The following MOK variants were observed in gnomAD, a reference collection of about 807,000 sequenced individuals.
MOK encodes MOK protein kinase.
A neutral mutation model predicts 54.2 loss-of-function variants in MOK; 59 were observed. The observed-to-expected ratio is 1.09, with a 90% CI of 0.88 to 1.35. MOK has a LOEUF of 1.35. Among genes scored for constraint, MOK ranks in the 40% most tolerant of loss-of-function variants. MOK has a pLI of 0.00. For missense variants in MOK, 517 were observed against 526.2 expected, an observed-to-expected ratio of 0.98 and a Z score of 0.17; for synonymous variants, 210 against 202.7, an observed-to-expected ratio of 1.04 and a Z score of -0.31.
Position 102,249,129 on chromosome 14 carries a change from CTTG to C in MOK, c.590+1680_590+1682del, listed in dbSNP as rs1441910647. Among the ~76,000 whole-genome samples the C allele has an allele frequency of 6.6e-6, 1 of 151,942 alleles. No homozygotes were observed. The highest frequency in any genetic ancestry group is 1.5e-5 in the Non-Finnish European group (1 of 68,020). On this transcript the variant is annotated intron_variant, in intron 7 of 11. Transcript: ENST00000361847. This position sits in a 1 kb window ranked among gnomAD's most constrained non-coding sequence, Gnocchi z 5.3. ...TAGCTGCTGGGAGGCTCCACTCTCC[CTTG>C]TGCTTGACCTTTTGTTTCCACTTTA...
intron 1 of MOK, among the ~76,000 whole-genome samples, chr14:102,286,920 A>G (rs1322056078): frequency 2.7e-5 from 4 of 149,418 alleles, no homozygotes; most frequent in Non-Finnish European, 5.9e-5. Flanking sequence ...AAAAATAATA[A>G]TAATAATAAT....
chr14:102,286,025 C>T (rs567022123), intron 1 of MOK, among the ~76,000 whole-genome samples: 4 of 152,174 alleles, frequency 2.6e-5, no homozygotes, highest in South Asian at 2.1e-4. Flanking sequence ...CCGGGCCGGG[C>T]GCGGTGGCTC....
At position 102,249,603 on chromosome 14, in the gene MOK, G is replaced by C. The variant is rs1045808804; in HGVS notation, c.590+1209C>G. ...GCATGCCTGTAATCCCAGCTACTTG[G>C]GGGGCTGAGGCAGGAGAATCGCTAG... On this transcript the variant is annotated intron_variant, in intron 7 of 11. Transcript: ENST00000361847. The surrounding 1 kb of genome is among the most constrained non-coding windows in gnomAD (Gnocchi z 5.3). 6.6e-6 allele frequency among the ~76,000 whole-genome samples: 1 copy of C among 152,298 alleles called. No homozygotes were observed. The highest frequency in any genetic ancestry group is 3.4e-3 in the Middle Eastern group (1 of 294).
chr14:102,271,909 C>T (rs904596694), intron 2 of MOK, among the ~76,000 whole-genome samples: 28 of 151,950 alleles, frequency 1.8e-4, no homozygotes, highest in African/African-American at 6.8e-4. Flanking sequence ...GACAGGGTCT[C>T]ACTCTGTGGC....
chr14:102,243,084 C>A (rs1389760675), intron 7 of MOK, among the ~76,000 whole-genome samples: 1 of 152,188 alleles, frequency 6.6e-6, no homozygotes, highest in Admixed American at 6.5e-5. Flanking sequence ...CACACATGCC[C>A]TCCCTGCTAA....
At chr14:102,255,700 T>C (rs981540085) in intron 4 of MOK, among the ~76,000 whole-genome samples, 53 of 152,224 alleles carry the variant, frequency 3.5e-4, no homozygotes, top group Non-Finnish European at 6.6e-4. Context: ...CCCAAGACTA[T>C]CTGGTTCCCA....
At chr14:102,263,990 C>T (rs933499033) in intron 3 of MOK, 4 of 178,348 alleles carry the variant, frequency 2.2e-5, no homozygotes, top group African/African-American at 2.4e-5. Context: ...CCGAGGTGGT[C>T]GATCACTTCA....
intron 4 of MOK, among the ~76,000 whole-genome samples, chr14:102,257,318 G>A (rs2067044698): frequency 6.6e-6 from 1 of 152,068 alleles, no homozygotes; most frequent in Admixed American, 6.6e-5. Flanking sequence ...TTCCAGGCCT[G>A]GTAGCTGCAG....
intron 7 of MOK, among the ~76,000 whole-genome samples, chr14:102,242,121 C>T (rs2065768408): frequency 6.6e-6 from 1 of 152,224 alleles, no homozygotes; most frequent in African/African-American, 2.4e-5. Context: ...TACCTGATTG[C>T]CTCGGAAGCC....
At chr14:102,282,348 T>C (rs2153168871) in intron 2 of MOK, among the ~76,000 whole-genome samples, 1 of 152,142 alleles carries the variant, frequency 6.6e-6, no homozygotes, top group East Asian at 1.9e-4. Context: ...GTCACTTATG[T>C]TATATTAATA....
downstream of MOK, among the ~76,000 whole-genome samples, chr14:102,221,990 G>C (rs2063945660): frequency 6.6e-6 from 1 of 152,174 alleles, no homozygotes; most frequent in Non-Finnish European, 1.5e-5. This position sits in a 1 kb window ranked among gnomAD's most constrained non-coding sequence, Gnocchi z 4.8. Flanking sequence ...AATAGTAAAT[G>C]CAAAGAAATG....
chr14:102,297,000 G>A (rs1220162225), intron 1 of MOK, among the ~76,000 whole-genome samples: 1 of 152,080 alleles, frequency 6.6e-6, no homozygotes, highest in Non-Finnish European at 1.5e-5. Context: ...AGAGGTTGCA[G>A]TGAGCTGAAA....
At chr14:102,229,898 TGCGGGCG>T in intron 10 of MOK, 1 of 512,614 alleles carries the variant, frequency 2.0e-6, no homozygotes, top group Non-Finnish European at 3.4e-6. Flanking sequence ...AGCTGAGCAG[TGCGGGCG>T]GCAAAGGGCT....
At chr14:102,281,443 G>T (rs1044838553) in intron 2 of MOK, among the ~76,000 whole-genome samples, 29 of 147,088 alleles carry the variant, frequency 2.0e-4, no homozygotes, top group African/African-American at 7.3e-4. Flanking sequence ...AGGTTGTAGT[G>T]AGCTGAGATC....
Position 102,297,432 on chromosome 14 carries a change from G to A in MOK, c.7+7530C>T, listed in dbSNP as rs528047553. ...AAAATTGATGCTCACAGAAGGAGAT[G>A]AAAAGGATTATTTGAGGTACCTTTT... On this transcript the variant is annotated intron_variant, in intron 1 of 11. Coordinates refer to ENST00000361847, the MANE Select transcript of MOK (RefSeq NM_014226.3). Among the ~76,000 whole-genome samples, 10 of 152,358 alleles carry A rather than the reference G, an allele frequency of 6.6e-5. No individual in the cohort carries two copies. The East Asian group carries it at 1.9e-3, about 29-fold the overall frequency.
At chr14:102,267,029 C>T (rs2067969812) in intron 2 of MOK, among the ~76,000 whole-genome samples, 1 of 152,208 alleles carries the variant, frequency 6.6e-6, no homozygotes, top group South Asian at 2.1e-4. Flanking sequence ...GCTATCACTG[C>T]CCTCTAGACA....
chr14:102,257,862 A>G (rs1018069842), intron 4 of MOK, among the ~76,000 whole-genome samples: 40 of 152,126 alleles, frequency 2.6e-4, no homozygotes, highest in African/African-American at 9.6e-4. Flanking sequence ...CTGTAGTCCC[A>G]GCTACTTGGG....
chr14:102,301,854 G>C (rs2072236969), intron 1 of MOK, among the ~76,000 whole-genome samples: 1 of 151,886 alleles, frequency 6.6e-6, no homozygotes, highest in African/African-American at 2.4e-5. Flanking sequence ...AAAAACAAAA[G>C]TTTACAAGAA....
At chr14:102,233,851 T>A in intron 7 of MOK, 62 bp from the exon 8 acceptor site, 1 of 1,270,636 alleles carries the variant, frequency 7.9e-7, no homozygotes, top group Non-Finnish European at 1.1e-6. Flanking sequence ...CCTCACCAAT[T>A]ACAAACCATC....
Sources: gnomAD v4.1 joint callset for allele counts (sites outside exome capture counted in the v4.1 genomes callset) on GRCh38, gnomAD v4.1.1 for gene constraint, Gnocchi (gnomAD v3.1) non-coding constraint, MANE v1.5 for transcripts, NCBI Gene and HGNC (gene_info 2026-07-23, HGNC 2026-07-21) for gene names.